Variants in CNGB1 observed in about 807,000 individuals in gnomAD.
CNGB1 encodes the protein cyclic nucleotide-gated channel beta-1.
In CNGB1, 126 loss-of-function variants were observed where a neutral mutation model predicts 151.7. The ratio of observed to expected loss-of-function variants is 0.83; its 90% CI spans 0.72 to 0.96. CNGB1 has a LOEUF of 0.96. CNGB1 is among the 40% of genes least tolerant of loss of function. The probability of loss-of-function intolerance (pLI) is 0.00; values close to 1 mark genes in which losing one functional copy is unlikely to be tolerated. For missense variants in CNGB1, 1,698 were observed against 1,627.0 expected, an observed-to-expected ratio of 1.04 and a Z score of -0.75; for synonymous variants, 623 against 635.1, an observed-to-expected ratio of 0.98 and a Z score of 0.29.
intron 19 of CNGB1, among the ~76,000 whole-genome samples, chr16:57,919,455 A>G (rs1445270326): frequency 6.6e-6 from 1 of 152,194 alleles, no homozygotes; most frequent in Non-Finnish European, 1.5e-5. Flanking sequence ...CAGCAACAGC[A>G]ACCTGGGTGC....
intron 18 of CNGB1, 48 bp downstream of exon 18, chr16:57,923,224 CA>C (rs776486070): frequency 1.5e-6 from 2 of 1,337,128 alleles, no homozygotes; most frequent in Non-Finnish European, 2.1e-6. Context: ...CCACATCCCC[CA>C]CCCTCCCCGC....
chr16:57,955,946 C>G (rs545787126), intron 12 of CNGB1, among the ~76,000 whole-genome samples: 1 of 152,208 alleles, frequency 6.6e-6, no homozygotes, highest in African/African-American at 2.4e-5. Context: ...GCCCAGTGTG[C>G]GCACATCTGT....
At chr16:57,908,755 C>T (rs568429061) in intron 25 of CNGB1, among the ~76,000 whole-genome samples, 48 of 152,302 alleles carry the variant, frequency 3.2e-4, no homozygotes, top group Admixed American at 7.8e-4. Context: ...CCATCCTGTG[C>T]GCATCCCTCC....
chr16:57,913,074 C>T, intron 23 of CNGB1, 80 bp from the exon 24 acceptor site: 1 of 1,325,784 alleles, frequency 7.5e-7, no homozygotes. Context: ...CGCCGAGACT[C>T]AGGGCTCTTC....
Position 57,958,395 on chromosome 16 carries a change from G to A in CNGB1, c.837+15C>T, listed in dbSNP as rs775982221. ...ACCACCACCAGGGCCACCACTCCAT[G>A]AGCCCAGCACTGACCTGTTCCCCTA... is the stretch of plus-strand genomic sequence containing the variant. On this transcript the variant is annotated intron_variant, in intron 11 of 32. Coordinates refer to ENST00000251102, the MANE Select transcript of CNGB1 (RefSeq NM_001297.5). The A allele has an allele frequency of 1.3e-6, 2 of 1,529,504 alleles. No individual in the cohort carries two copies. The highest frequency in any genetic ancestry group is 2.4e-5 in the East Asian group (1 of 42,324). The allele number at this position is 1,529,504 out of a possible 1,614,324, so 94.7% of individuals were successfully genotyped here. A position where few individuals can be genotyped will look rare whatever the true frequency, so the allele number is the denominator to read the frequency against.
intron 31 of CNGB1, among the ~76,000 whole-genome samples, chr16:57,892,501 G>A (rs1350732711): frequency 6.6e-6 from 1 of 152,076 alleles, no homozygotes; most frequent in Non-Finnish European, 1.5e-5. Context: ...CTTCCCCAGG[G>A]GACCTCAGTG....
In CNGB1 at chr16:57,939,531, T is replaced by A; in HGVS notation, c.1271A>T (p.Glu424Val). 1 of 1,614,038 alleles carries A rather than the reference T, an allele frequency of 6.2e-7. No individual in the cohort carries two copies. The highest frequency in any genetic ancestry group is 2.2e-5 in the East Asian group (1 of 44,868). ...KKEAEEKAKE[E>V]AEEVAEEEAE... ...CTCCTCTTCAGCCACCTCCTCGGCC[T>A]CCTCCTTGGCCTTCTCTTCAGCCTC... Residue 424 changes from glutamate to valine, a missense_variant, in exon 16 of 33, where the codon GAG (glutamate) becomes GTG (valine). Physicochemically the swap from Glu to Val is moderately radical, Grantham distance 121. Transcript: ENST00000251102.
At chr16:57,903,710 C>T (rs890064590) in intron 27 of CNGB1, 112 bp downstream of exon 27, 39 of 1,310,476 alleles carry the variant, frequency 3.0e-5, no homozygotes, top group South Asian at 3.7e-5. Flanking sequence ...CCCCAGTACT[C>T]GGGACCTCAG....
At chr16:57,944,115 T>C (rs1215417825) in intron 14 of CNGB1, among the ~76,000 whole-genome samples, 2 of 151,970 alleles carry the variant, frequency 1.3e-5, no homozygotes, top group Non-Finnish European at 1.5e-5. Context: ...CTTGAACTCC[T>C]GACCTCAGGT....
At chr16:57,934,275 C>T (rs942794610) in intron 16 of CNGB1, among the ~76,000 whole-genome samples, 2 of 151,902 alleles carry the variant, frequency 1.3e-5, no homozygotes, top group African/African-American at 4.8e-5. Context: ...AGCAAAACCC[C>T]ACCTCTACAA....
chr16:57,911,226 C>T (rs56097461), intron 25 of CNGB1, among the ~76,000 whole-genome samples: 11,204 of 152,234 alleles, frequency 0.074, 1,105 homozygotes, highest in African/African-American at 0.23. Flanking sequence ...CCAGTACCTC[C>T]GGCCTGGCAC....
At position 57,939,538 on chromosome 16, in the gene CNGB1, T is replaced by C. The variant is rs1384645002; in HGVS notation, c.1264A>G (p.Lys422Glu). 2 of 1,613,924 alleles carry C rather than the reference T, an allele frequency of 1.2e-6. No homozygotes were observed. Among genetic ancestry groups the C allele is most frequent in the South Asian group, 1.1e-5 (1 of 91,074 alleles). The change falls in exon 16 of 33, where the codon AAG (lysine) becomes GAG (glutamate). Residue 422 changes from lysine to glutamate, a missense_variant. By Grantham distance (56) the Lys-to-Glu change is moderately conservative. Coordinates refer to ENST00000251102, the MANE Select transcript of CNGB1 (RefSeq NM_001297.5). ...EAKKEAEEKA[K>E]EEAEEVAEEE... The stretch of plus-strand genomic sequence containing the variant: ...TCAGCCACCTCCTCGGCCTCCTCCT[T>C]GGCCTTCTCTTCAGCCTCCTTCTTG...
intron 1 of CNGB1, among the ~76,000 whole-genome samples, chr16:57,969,414 C>G (rs933476363): frequency 1.3e-5 from 2 of 152,124 alleles, no homozygotes; most frequent in African/African-American, 4.8e-5. Context: ...CTCAGGAGTT[C>G]GAGACCAGCC....
chr16:57,884,323 A>C lies in CNGB1; in HGVS notation c.3597T>G (p.Ser1199=), dbSNP rs2149350156. Residue 1199 remains serine (S), a synonymous_variant, in exon 33 of 33, where the codon TCT becomes TCG. Coordinates refer to ENST00000251102, the MANE Select transcript of CNGB1 (RefSeq NM_001297.5). ...GCCTCCCAAGGGAGGCAGGCGGTGG[A>C]GAGCTCGGTGGAGACCCCGGGGGCT... ...PPEPPGSPPS[S]PPPASLGRPE... is the part of the protein sequence containing the mutation. 6.2e-7 allele frequency: 1 copy of C among 1,611,334 alleles called. No homozygotes were observed.
chr16:57,963,790 C>G lies in CNGB1; in HGVS notation c.290+340G>C, dbSNP rs554958795. 30 of 343,578 alleles carry G rather than the reference C, an allele frequency of 8.7e-5. No homozygotes were observed. The East Asian group carries it at 1.6e-3, about 19-fold the overall frequency. 21.3% of individuals were successfully genotyped at this position (343,578 alleles called of 1,614,324 possible). ...CCACTGTTTCTTTTGGTCACATTGC[C>G]CTGCCCTCAAGGGGCTAACAGTCTA... On this transcript the variant is annotated intron_variant, in intron 4 of 32. Coordinates refer to ENST00000251102, the MANE Select transcript of CNGB1 (RefSeq NM_001297.5).
Position 57,962,892 on chromosome 16 carries a change from A to G in CNGB1, c.382-20T>C. ...CAGGATCTGCCAGGGACAGACAGAC[A>G]GACATGGGCAGGGAGCCCAAGGGCA... On this transcript the variant is annotated intron_variant, in intron 5 of 32. Transcript: ENST00000251102. The G allele has an allele frequency of 1.2e-6, 2 of 1,612,528 alleles. No homozygotes were observed. The highest frequency in any genetic ancestry group is 1.7e-6 in the Non-Finnish European group (2 of 1,180,012).
intron 25 of CNGB1, among the ~76,000 whole-genome samples, chr16:57,910,168 G>A (rs560219069): frequency 1.3e-5 from 2 of 152,238 alleles, no homozygotes; most frequent in South Asian, 2.1e-4. Flanking sequence ...GGTCGGACAC[G>A]CCTCATTGTA....
intron 25 of CNGB1, among the ~76,000 whole-genome samples, chr16:57,909,523 G>A (rs1209568249): frequency 6.6e-6 from 1 of 152,064 alleles, no homozygotes; most frequent in Non-Finnish European, 1.5e-5. Context: ...CAAGTAGCTG[G>A]GATTACAGGC....
Position 57,900,859 on chromosome 16 carries a change from G to GAA in CNGB1, c.2976+491_2976+492dup, listed in dbSNP as rs1371531487. ...CCAATTCAACATTTTTTAAAAATTA[G>GAA]AAAAAAAAAAACCCACAGAATACCT... On this transcript the variant is annotated intron_variant, in intron 29 of 32. Coordinates refer to ENST00000251102, the MANE Select transcript of CNGB1 (RefSeq NM_001297.5). 5.5e-5 allele frequency among the ~76,000 whole-genome samples: 8 copies of GAA among 145,798 alleles called. No homozygotes were observed. In the South Asian group the frequency reaches 1.5e-3, roughly 27 times the overall value.
Sources: allele counts gnomAD v4.1 joint callset (sites outside exome capture counted in the v4.1 genomes callset), GRCh38; gene constraint gnomAD v4.1.1; transcripts MANE v1.5; gene names NCBI Gene and HGNC (gene_info 2026-07-23, HGNC 2026-07-21).